Variants in ASTN2 observed in about 807,000 individuals in gnomAD.
The protein encoded by ASTN2 is astrotactin 2.
ASTN2 carries 54 observed loss-of-function variants against 139.8 expected under a neutral mutation model. That is an observed-to-expected ratio of 0.39 (90% CI 0.31 to 0.48). The LOEUF (loss-of-function observed/expected upper bound fraction) is 0.48, where lower values mean the gene tolerates loss of function less well. Among genes scored for constraint, ASTN2 ranks in the 20% least tolerant of loss-of-function variants. The pLI is 0.95. For synonymous variants in ASTN2, 756 were observed against 719.5 expected (o/e 1.05, Z -0.81); for missense variants, 1,565 against 1,725.1 (o/e 0.91, Z 1.64).
At chr9:116,777,370 G>C (rs916028009) in intron 13 of ASTN2, among the ~76,000 whole-genome samples, 5 of 152,074 alleles carry the variant, frequency 3.3e-5, no homozygotes, top group African/African-American at 1.2e-4. Context: ...CATTATTCAC[G>C]GTCCTCGTAA....
chr9:116,718,436 CA>C (rs1828375081), intron 16 of ASTN2, among the ~76,000 whole-genome samples: 1 of 152,090 alleles, frequency 6.6e-6, no homozygotes, highest in Non-Finnish European at 1.5e-5. Context: ...AGTTTTAATC[CA>C]AGGAATAACA....
chr9:116,668,985 T>C (rs1166517991), intron 16 of ASTN2, among the ~76,000 whole-genome samples: 1 of 151,950 alleles, frequency 6.6e-6, no homozygotes, highest in Non-Finnish European at 1.5e-5. Context: ...CCATAATATG[T>C]ACCCAACAAA....
chr9:116,795,135 C>G (rs1830657627), intron 13 of ASTN2, among the ~76,000 whole-genome samples: 1 of 152,146 alleles, frequency 6.6e-6, no homozygotes, highest in Non-Finnish European at 1.5e-5. Context: ...TGTCACCACA[C>G]CCAGCTCATT....
intron 17 of ASTN2, among the ~76,000 whole-genome samples, chr9:116,648,243 G>A (rs1161950480): frequency 1.3e-5 from 2 of 151,954 alleles, no homozygotes; most frequent in Non-Finnish European, 2.9e-5. Flanking sequence ...CTCATGATCA[G>A]CCCGTCTCGG....
intron 13 of ASTN2, among the ~76,000 whole-genome samples, chr9:116,804,156 G>A (rs114272497): frequency 0.011 from 1,645 of 152,174 alleles, 29 homozygotes; most frequent in African/African-American, 0.037. Context: ...AAGGATGAAC[G>A]GTTTTAGTGA....
chr9:116,819,594 C>A (rs1364620079), intron 12 of ASTN2, among the ~76,000 whole-genome samples: 5 of 152,176 alleles, frequency 3.3e-5, no homozygotes, highest in African/African-American at 1.2e-4. Flanking sequence ...CACACTCACC[C>A]CCTATTTGTG....
At chr9:116,980,727 A>G (rs1836488595) in intron 7 of ASTN2, among the ~76,000 whole-genome samples, 1 of 152,186 alleles carries the variant, frequency 6.6e-6, no homozygotes, top group African/African-American at 2.4e-5. Flanking sequence ...CATCAATGCC[A>G]TAGGTATTGG....
At chr9:116,469,959 C>A (rs1303666795) in intron 20 of ASTN2, among the ~76,000 whole-genome samples, 1 of 152,028 alleles carries the variant, frequency 6.6e-6, no homozygotes, top group Non-Finnish European at 1.5e-5. Flanking sequence ...AATCACAGCA[C>A]TTTAGGAGGC....
chr9:116,781,752 T>C (rs1830225076), intron 13 of ASTN2, among the ~76,000 whole-genome samples: 2 of 152,276 alleles, frequency 1.3e-5, no homozygotes, highest in African/African-American at 4.8e-5. Context: ...TAAAGGTGTG[T>C]AGGGAAGAAT....
chr9:117,274,916 G>A (rs185300878), intron 2 of ASTN2, among the ~76,000 whole-genome samples: 1 of 152,322 alleles, frequency 6.6e-6, no homozygotes, highest in East Asian at 1.9e-4. Flanking sequence ...CACGTTAGGG[G>A]TTGAGCTTCT....
intron 16 of ASTN2, among the ~76,000 whole-genome samples, chr9:116,695,619 G>A (rs181673266): frequency 3.3e-5 from 5 of 152,292 alleles, no homozygotes; most frequent in East Asian, 1.9e-4. Flanking sequence ...CTTCTCCTGG[G>A]TGGTTGACCA....
chr9:116,964,745 T>C (rs1328289339), intron 10 of ASTN2, among the ~76,000 whole-genome samples: 1 of 152,174 alleles, frequency 6.6e-6, no homozygotes, highest in Admixed American at 6.5e-5. Context: ...CCAGAGAGTA[T>C]CTAGGAAGTA....
At chr9:116,605,999 C>G (rs756476378) in intron 19 of ASTN2, among the ~76,000 whole-genome samples, 4 of 152,124 alleles carry the variant, frequency 2.6e-5, no homozygotes, top group Non-Finnish European at 5.9e-5. Flanking sequence ...GTAGGTCAAA[C>G]AGGAGATTTG....
At chr9:117,187,370 A>G (rs561147516) in intron 3 of ASTN2, among the ~76,000 whole-genome samples, 2 of 152,196 alleles carry the variant, frequency 1.3e-5, no homozygotes, top group African/African-American at 4.8e-5. Context: ...GATGAAGATG[A>G]TGATGATGAT....
intron 16 of ASTN2, among the ~76,000 whole-genome samples, chr9:116,652,926 T>C (rs996306758): frequency 2.0e-5 from 3 of 152,208 alleles, no homozygotes; most frequent in Non-Finnish European, 2.9e-5. Context: ...CCCCTCTGCC[T>C]CTCCACATCT....
intron 16 of ASTN2, among the ~76,000 whole-genome samples, chr9:116,712,684 T>C (rs1365112082): frequency 6.6e-6 from 1 of 152,190 alleles, no homozygotes; most frequent in Admixed American, 6.5e-5. Flanking sequence ...TTGCTTTTCC[T>C]TAGAGAATCT....
intron 13 of ASTN2, among the ~76,000 whole-genome samples, chr9:116,790,986 A>AAGAAAGAAG (rs1564268969): frequency 1.4e-3 from 133 of 98,142 alleles, no homozygotes; most frequent in African/African-American, 4.0e-3. Context: ...AAAGAAAGAA[A>AAGAAAGAAG]GAAAGAAAGA....
Position 117,336,296 on chromosome 9 carries a change from A to G in ASTN2, c.443-44783T>C, listed in dbSNP as rs1257262760. On this transcript the variant is annotated intron_variant, in intron 1 of 22. Transcript: ENST00000313400. ...TGTCACTCATCCTTTATACAAATTA[A>G]CCTCCACCTCCCTCATGCTGGGATT... 2.0e-5 allele frequency among the ~76,000 whole-genome samples: 3 copies of G among 151,970 alleles called. No homozygotes were observed. The East Asian group carries it at 5.8e-4, about 30-fold the overall frequency.
intron 10 of ASTN2, among the ~76,000 whole-genome samples, chr9:116,873,238 T>C (rs1833210926): frequency 6.6e-6 from 1 of 152,156 alleles, no homozygotes; most frequent in Admixed American, 6.5e-5. Flanking sequence ...TTAAGGATAA[T>C]GTAGGTAAAG....
Sources: gnomAD v4.1 joint callset for allele counts (sites outside exome capture counted in the v4.1 genomes callset) on GRCh38, gnomAD v4.1.1 for gene constraint, MANE v1.5 for transcripts, NCBI Gene and HGNC (gene_info 2026-07-23, HGNC 2026-07-21) for gene names.